The following CLVS2 variants were observed in gnomAD, a reference collection of about 807,000 sequenced individuals.
CLVS2 encodes the protein clavesin-2.
Under a neutral mutation model 29.0 loss-of-function variants are expected in CLVS2, and 19 were observed. The observed-to-expected ratio is 0.66, with a 90% CI of 0.46 to 0.96. The LOEUF (loss-of-function observed/expected upper bound fraction) is 0.96. Among genes scored for constraint, CLVS2 ranks in the 40% least tolerant of loss-of-function variants. The pLI, the probability that CLVS2 is intolerant of heterozygous loss-of-function variation, is 0.00. For missense variants in CLVS2, 294 were observed against 404.1 expected, an observed-to-expected ratio of 0.73 and a Z score of 2.34; for synonymous variants, 161 against 151.3, an observed-to-expected ratio of 1.06 and a Z score of -0.47.
chr6:123,069,047 G>A lies in CLVS2; in HGVS notation c.*5286G>A, dbSNP rs1406870437. The A allele has an allele frequency of 1.6e-4, 25 of 151,752 alleles. No individual in the cohort carries two copies. Among genetic ancestry groups the A allele is most frequent in the Non-Finnish European group, 5.9e-5 (4 of 67,740 alleles). 9.4% of individuals were successfully genotyped at this position (151,752 alleles called of 1,614,324 possible). ...AGCTATTTAAGTTAAGATTCCTCAA[G>A]TTTGTGATATTTGTATGTGTGGGGA... is the stretch of plus-strand genomic sequence containing the variant. On this transcript the variant is annotated 3_prime_UTR_variant, in exon 6 of 6. Transcript: ENST00000275162.
intron 3 of CLVS2, among the ~76,000 whole-genome samples, 173 bp downstream of exon 3, chr6:123,011,332 T>C (rs1294446936): frequency 1.3e-5 from 2 of 151,990 alleles, no homozygotes; most frequent in Admixed American, 1.3e-4. Flanking sequence ...GAAGAAACGC[T>C]GAAGGAAGAG....
At position 123,064,510 on chromosome 6, in the gene CLVS2, A is replaced by G. The variant is rs986649841; in HGVS notation, c.*749A>G. 2.6e-5 allele frequency: 4 copies of G among 151,732 alleles called. No homozygotes were observed. Among genetic ancestry groups the G allele is most frequent in the African/African-American group, 9.7e-5 (4 of 41,368 alleles). 9.4% of individuals were successfully genotyped at this position (151,732 alleles called of 1,614,324 possible). A position where few individuals can be genotyped will look rare whatever the true frequency, so the allele number is the denominator to read the frequency against. On this transcript the variant is annotated 3_prime_UTR_variant, in exon 6 of 6. Transcript: ENST00000275162. ...TGCCCTTTATTCAAGACCCTATTAT[A>G]TTTCTTCCTAATGTACTCTAAGTAC...
chr6:123,057,441 A>G (rs911123506), intron 5 of CLVS2, among the ~76,000 whole-genome samples: 4 of 142,246 alleles, frequency 2.8e-5, no homozygotes, highest in South Asian at 2.2e-4. Context: ...CCACCTCCCT[A>G]GTTCAAGGGA....
At chr6:123,040,480 C>T (rs207467419) in intron 3 of CLVS2, among the ~76,000 whole-genome samples, 5 of 152,188 alleles carry the variant, frequency 3.3e-5, no homozygotes, top group East Asian at 1.9e-4. Context: ...GTGTTCTCCC[C>T]GCCATGGAAT....
chr6:123,011,330 G>A (rs1449915563), intron 3 of CLVS2, among the ~76,000 whole-genome samples, 171 bp downstream of exon 3: 4 of 151,980 alleles, frequency 2.6e-5, no homozygotes, highest in Admixed American at 6.6e-5. Context: ...TAGAAGAAAC[G>A]CTGAAGGAAG....
chr6:123,003,051 GA>G (rs1582641702), intron 2 of CLVS2, among the ~76,000 whole-genome samples: 3 of 152,098 alleles, frequency 2.0e-5, no homozygotes, highest in African/African-American at 7.2e-5. Flanking sequence ...AATAGGGGAG[GA>G]AAAAAAGTTG....
At chr6:123,051,400 A>C (rs1339897738) in intron 4 of CLVS2, among the ~76,000 whole-genome samples, 1 of 152,094 alleles carries the variant, frequency 6.6e-6, no homozygotes, top group Non-Finnish European at 1.5e-5. Flanking sequence ...CATCATGGCC[A>C]CTTCTGATGT....
At chr6:123,016,021 CTTTTTTTTTTT>C (rs58103603) in intron 3 of CLVS2, among the ~76,000 whole-genome samples, 4 of 50,820 alleles carry the variant, frequency 7.9e-5, no homozygotes, top group Admixed American at 7.5e-4. Flanking sequence ...CAACATCAGA[CTTTTTTTTTTT>C]TTTTTTTTTT....
At position 123,031,652 on chromosome 6, in the gene CLVS2, T is replaced by C. The variant is rs138602161; in HGVS notation, c.565-16970T>C. Among the ~76,000 whole-genome samples, 24 of 152,320 alleles carry C rather than the reference T, an allele frequency of 1.6e-4. No homozygotes were observed. In the East Asian group the frequency reaches 4.1e-3, roughly 26 times the overall value. On this transcript the variant is annotated intron_variant, in intron 3 of 5. Transcript: ENST00000275162. ...ATCTTAAATAGATACAATTTGTATT[T>C]ATCAATTATGCCTCAATAGAGCTGG...
intron 3 of CLVS2, among the ~76,000 whole-genome samples, chr6:123,018,305 C>A (rs188099694): frequency 4.6e-5 from 7 of 151,954 alleles, no homozygotes; most frequent in Non-Finnish European, 8.8e-5. Flanking sequence ...CCCAGCAAAA[C>A]CTCGTTTTTT....
At chr6:122,999,690 A>G (rs1774562066) in intron 2 of CLVS2, among the ~76,000 whole-genome samples, 1 of 152,204 alleles carries the variant, frequency 6.6e-6, no homozygotes, top group Non-Finnish European at 1.5e-5. Flanking sequence ...GGAAAAAACT[A>G]ATATTCTGTA....
chr6:123,013,951 G>A (rs1246027111), intron 3 of CLVS2, among the ~76,000 whole-genome samples: 1 of 151,956 alleles, frequency 6.6e-6, no homozygotes, highest in Non-Finnish European at 1.5e-5. Flanking sequence ...GAGAATAATG[G>A]TTTCCAGTTT....
At chr6:123,045,344 A>G (rs1055694022) in intron 3 of CLVS2, among the ~76,000 whole-genome samples, 1 of 152,118 alleles carries the variant, frequency 6.6e-6, no homozygotes, top group Non-Finnish European at 1.5e-5. Flanking sequence ...AAGGAGGACT[A>G]CAGCTGAATC....
At position 123,064,869 on chromosome 6, in the gene CLVS2, G is replaced by A. The variant is rs1327519743; in HGVS notation, c.*1108G>A. On this transcript the variant is annotated 3_prime_UTR_variant, in exon 6 of 6. Transcript: ENST00000275162. Reference sequence around the variant, plus strand: ...TGACTTTCAGTGTACCTATTTAAAGGAATTCCAAGTTAATTTATAATGCAA... The same window carrying A: ...TGACTTTCAGTGTACCTATTTAAAGAAATTCCAAGTTAATTTATAATGCAA... 1 of 151,632 alleles carries A rather than the reference G, an allele frequency of 6.6e-6. No individual in the cohort carries two copies. The highest frequency in any genetic ancestry group is 2.4e-5 in the African/African-American group (1 of 41,350). 9.4% of individuals were successfully genotyped at this position (151,632 alleles called of 1,614,324 possible).
chr6:123,018,368 A>G (rs1774870626), intron 3 of CLVS2, among the ~76,000 whole-genome samples: 1 of 152,070 alleles, frequency 6.6e-6, no homozygotes, highest in Admixed American at 6.6e-5. Context: ...TCCTTTTAGA[A>G]CACTAGGACT....
intron 4 of CLVS2, among the ~76,000 whole-genome samples, chr6:123,054,706 C>T (rs1772668727): frequency 6.6e-6 from 1 of 151,966 alleles, no homozygotes; most frequent in Non-Finnish European, 1.5e-5. Context: ...GTAGATGAGA[C>T]AACAGTGTTG....
chr6:123,016,466 T>G (rs1202652206), intron 3 of CLVS2, among the ~76,000 whole-genome samples: 3 of 152,026 alleles, frequency 2.0e-5, no homozygotes, highest in Non-Finnish European at 4.4e-5. Flanking sequence ...TAGCTTATCC[T>G]AGCCCTACCC....
At chr6:123,039,211 TCAG>T (rs1775195774) in intron 3 of CLVS2, among the ~76,000 whole-genome samples, 1 of 152,198 alleles carries the variant, frequency 6.6e-6, no homozygotes. Context: ...TACGAGAACA[TCAG>T]CACTTCTAAA....
rs1259234186 is a variant in CLVS2, at chr6:123,065,436, G to A, written c.*1675G>A. On this transcript the variant is annotated 3_prime_UTR_variant, in exon 6 of 6. Transcript: ENST00000275162. ...GTAAAAGCAAGCTGAATACACCAAT[G>A]TACAGTGTATCAATGGACTGCCTCA... 1 of 151,890 alleles carries A rather than the reference G, an allele frequency of 6.6e-6. No individual in the cohort carries two copies. The highest frequency in any genetic ancestry group is 2.1e-4 in the South Asian group (1 of 4,822). The allele number at this position is 151,890 out of a possible 1,614,324, so 9.4% of individuals were successfully genotyped here. A position where few individuals can be genotyped will look rare whatever the true frequency, so the allele number is the denominator to read the frequency against.
Sources: gnomAD v4.1 joint callset for allele counts (sites outside exome capture counted in the v4.1 genomes callset) on GRCh38, gnomAD v4.1.1 for gene constraint, MANE v1.5 for transcripts, NCBI Gene and HGNC (gene_info 2026-07-23, HGNC 2026-07-21) for gene names.